Variants in ADAM22 observed in about 807,000 individuals in gnomAD.
ADAM22 encodes ADAM metallopeptidase domain 22.
Under a neutral mutation model 144.6 loss-of-function variants are expected in ADAM22, and 65 were observed. The ratio of observed to expected loss-of-function variants is 0.45; its 90% confidence interval spans 0.37 to 0.55. ADAM22 has a LOEUF of 0.55. Among genes scored for constraint, ADAM22 ranks in the 20% least tolerant of loss-of-function variants. The pLI is 0.00. For missense variants in ADAM22, 974 were observed against 1,184.9 expected (o/e 0.82, Z 2.61); for synonymous variants, 391 against 412.6 (o/e 0.95, Z 0.63).
intron 3 of ADAM22, among the ~76,000 whole-genome samples, chr7:88,039,464 A>AAAAAAAAAAAAATATATATAT: frequency 1.8e-4 from 14 of 76,394 alleles, no homozygotes; most frequent in African/African-American, 6.6e-4. Context: ...AAAAAAAAAA[A>AAAAAAAAAAAAATATATATAT]ATATATATAT....
intron 3 of ADAM22, among the ~76,000 whole-genome samples, chr7:88,011,521 C>T (rs1275386428): frequency 6.9e-6 from 1 of 145,430 alleles, no homozygotes; most frequent in Non-Finnish European, 1.5e-5. Flanking sequence ...GCCTGGGTGA[C>T]AGAGCGAGAC....
At chr7:87,948,807 G>A (rs1584509182) in intron 2 of ADAM22, among the ~76,000 whole-genome samples, 1 of 152,160 alleles carries the variant, frequency 6.6e-6, no homozygotes. Context: ...TTAGTAGAAG[G>A]TGTTCTTATG....
chr7:88,141,268 G>T (rs1416568821), intron 14 of ADAM22, among the ~76,000 whole-genome samples: 2 of 152,182 alleles, frequency 1.3e-5, no homozygotes, highest in African/African-American at 2.4e-5. Context: ...TTAAATTCCT[G>T]TAGTATCTGG....
intron 4 of ADAM22, among the ~76,000 whole-genome samples, chr7:88,087,606 T>C (rs1818766971): frequency 6.6e-6 from 1 of 152,190 alleles, no homozygotes; most frequent in Non-Finnish European, 1.5e-5. Context: ...TTTGTAGAGA[T>C]ATGATTTATT....
At chr7:88,036,135 C>A (rs1801475642) in intron 3 of ADAM22, among the ~76,000 whole-genome samples, 1 of 152,130 alleles carries the variant, frequency 6.6e-6, no homozygotes, top group South Asian at 2.1e-4. Flanking sequence ...TTATGCTACT[C>A]ACACATTTGG....
chr7:87,939,386 T>G (rs548807541), intron 2 of ADAM22, among the ~76,000 whole-genome samples: 1 of 152,334 alleles, frequency 6.6e-6, no homozygotes, highest in South Asian at 2.1e-4. Context: ...CATGACTTGC[T>G]GAGGAATTTG....
At chr7:87,941,655 T>C (rs1343295513) in intron 2 of ADAM22, among the ~76,000 whole-genome samples, 1 of 152,094 alleles carries the variant, frequency 6.6e-6, no homozygotes, top group African/African-American at 2.4e-5. Flanking sequence ...CCAATTAAAT[T>C]GTAAAAAAAA....
intron 3 of ADAM22, among the ~76,000 whole-genome samples, chr7:88,055,914 A>C (rs923050634): frequency 6.6e-6 from 1 of 152,136 alleles, no homozygotes; most frequent in African/African-American, 2.4e-5. Flanking sequence ...AACCCCTATC[A>C]TGACAGATGT....
In ADAM22 at chr7:88,170,280, T is replaced by A. The variant is rs569264330; in HGVS notation, c.2283-1264T>A. Among the ~76,000 whole-genome samples, 5 of 152,118 alleles carry A rather than the reference T, an allele frequency of 3.3e-5. No homozygotes were observed. The East Asian group carries it at 9.7e-4, about 29-fold the overall frequency. On this transcript the variant is annotated intron_variant, in intron 25 of 31. Coordinates refer to ENST00000413139, the MANE Select transcript of ADAM22 (RefSeq NM_001324418.2). ...ATTATTCAGAATATGTTTAGGAATA[T>A]AGTGGGAATGTAGATATTTTAATAG...
At chr7:88,105,229 CTTTA>C (rs1207811469) in intron 4 of ADAM22, among the ~76,000 whole-genome samples, 3 of 152,014 alleles carry the variant, frequency 2.0e-5, no homozygotes, top group East Asian at 3.9e-4. Flanking sequence ...TTCTACTTCT[CTTTA>C]TTTATCTTTG....
chr7:88,014,707 A>G (rs1024192171), intron 3 of ADAM22, among the ~76,000 whole-genome samples: 3 of 152,220 alleles, frequency 2.0e-5, no homozygotes. Context: ...CCCTCTAAGA[A>G]TTTGCCACAT....
At chr7:88,099,345 C>A (rs1822296671) in intron 4 of ADAM22, among the ~76,000 whole-genome samples, 1 of 152,314 alleles carries the variant, frequency 6.6e-6, no homozygotes, top group East Asian at 1.9e-4. Flanking sequence ...GCAACATTTT[C>A]TTACCCTGGT....
chr7:88,142,787 A>G (rs536391953), intron 14 of ADAM22, among the ~76,000 whole-genome samples: 49 of 152,032 alleles, frequency 3.2e-4, no homozygotes, highest in Admixed American at 7.9e-4. Flanking sequence ...GCAGTGAGCC[A>G]AGATCGTGCC....
intron 3 of ADAM22, among the ~76,000 whole-genome samples, chr7:88,070,250 C>G (rs1812371355): frequency 6.6e-6 from 1 of 152,130 alleles, no homozygotes; most frequent in Non-Finnish European, 1.5e-5. Flanking sequence ...GGACAATGCA[C>G]TGAAGATCCA....
chr7:88,134,696 G>C (rs533616561), intron 13 of ADAM22, among the ~76,000 whole-genome samples: 1 of 152,198 alleles, frequency 6.6e-6, no homozygotes, highest in African/African-American at 2.4e-5. Flanking sequence ...AGCCCAGTTT[G>C]TTCATCATTA....
chr7:88,095,014 A>T (rs576665735), intron 4 of ADAM22, among the ~76,000 whole-genome samples: 2 of 152,344 alleles, frequency 1.3e-5, no homozygotes, highest in African/African-American at 4.8e-5. Context: ...CAAGACAAAC[A>T]TGTAGCTCAG....
intron 5 of ADAM22, among the ~76,000 whole-genome samples, chr7:88,112,961 T>G (rs1826445922): frequency 6.6e-6 from 1 of 152,032 alleles, no homozygotes; most frequent in African/African-American, 2.4e-5. Context: ...CTCATGTGAT[T>G]TCCCCCCGCC....
chr7:87,952,344 A>T (rs887247552), intron 2 of ADAM22, among the ~76,000 whole-genome samples: 14 of 152,000 alleles, frequency 9.2e-5, no homozygotes, highest in African/African-American at 3.4e-4. Context: ...GAGAGTTTTT[A>T]GCATGAAGGG....
chr7:88,182,105 A>G (rs1847183075), intron 29 of ADAM22, 81 bp downstream of exon 29: 6 of 1,236,048 alleles, frequency 4.9e-6, no homozygotes, highest in Non-Finnish European at 6.9e-6. Flanking sequence ...CAGATAGTCA[A>G]AGAACTGTAA....
Sources: gnomAD v4.1 joint callset for allele counts (sites outside exome capture counted in the v4.1 genomes callset) on GRCh38, gnomAD v4.1.1 for gene constraint, MANE v1.5 for transcripts, NCBI Gene and HGNC (gene_info 2026-07-23, HGNC 2026-07-21) for gene names.